CTNNA2: variants seen among roughly 807,000 people sequenced by gnomAD.
The protein encoded by CTNNA2 is catenin alpha 2, also known as catenin alpha-2.
A neutral mutation model predicts 101.0 loss-of-function variants in CTNNA2; 42 were observed. The ratio of observed to expected loss-of-function variants is 0.42; its 90% CI spans 0.32 to 0.54. The LOEUF (loss-of-function observed/expected upper bound fraction) is 0.54. Ranked by LOEUF, CTNNA2 falls within the 20% of genes least tolerant of loss-of-function variation. The probability of loss-of-function intolerance (pLI) is 0.14; values close to 1 mark genes in which losing one functional copy is unlikely to be tolerated. For missense variants in CTNNA2, 871 were observed against 1,223.1 expected, an observed-to-expected ratio of 0.71 and a Z score of 4.29; for synonymous variants, 450 against 456.4, an observed-to-expected ratio of 0.99 and a Z score of 0.18.
chr2:79,778,349 A>AT (rs994845997), intron 3 of CTNNA2, among the ~76,000 whole-genome samples: 1 of 152,110 alleles, frequency 6.6e-6, no homozygotes, highest in Non-Finnish European at 1.5e-5. Flanking sequence ...CATCAAAAAA[A>AT]AAAATAAAAA....
intron 1 of CTNNA2, among the ~76,000 whole-genome samples, chr2:79,622,092 A>T (rs1370385186): frequency 1.3e-5 from 2 of 152,216 alleles, no homozygotes; most frequent in South Asian, 4.1e-4. Context: ...AATCTGAATA[A>T]AAGTACATAC....
At chr2:79,485,032 T>C (rs1671144224) in intron 4 of CTNNA2, among the ~76,000 whole-genome samples, 1 of 152,130 alleles carries the variant, frequency 6.6e-6, no homozygotes, top group Non-Finnish European at 1.5e-5. Context: ...AGATATACCA[T>C]AGATAGCCAT....
intron 9 of CTNNA2, among the ~76,000 whole-genome samples, chr2:80,530,871 C>G (rs1690478184): frequency 6.6e-6 from 1 of 152,094 alleles, no homozygotes. Context: ...GCTTTGCACC[C>G]AAAGAAGCTT....
At chr2:80,414,162 A>G (rs1679837111) in intron 8 of CTNNA2, among the ~76,000 whole-genome samples, 1 of 152,208 alleles carries the variant, frequency 6.6e-6, no homozygotes, top group Non-Finnish European at 1.5e-5. Context: ...AAGGAGAAAC[A>G]GGATTGATTA....
chr2:79,466,274 C>T (rs1050643917), intron 4 of CTNNA2, among the ~76,000 whole-genome samples: 7 of 152,194 alleles, frequency 4.6e-5, no homozygotes, highest in African/African-American at 1.7e-4. Context: ...TGGAGACTCG[C>T]TCATTGCTAG....
intron 6 of CTNNA2, among the ~76,000 whole-genome samples, chr2:79,888,278 G>A (rs17018091): frequency 0.013 from 2,007 of 152,260 alleles, 138 homozygotes; most frequent in Admixed American, 0.098. Flanking sequence ...AGGCATCATC[G>A]TAGACAACAT....
intron 2 of CTNNA2, among the ~76,000 whole-genome samples, chr2:79,658,750 T>G (rs1245980344): frequency 6.6e-6 from 1 of 151,966 alleles, no homozygotes; most frequent in Non-Finnish European, 1.5e-5. Context: ...AAGAATATCA[T>G]TGATGTTTAA....
intron 9 of CTNNA2, among the ~76,000 whole-genome samples, chr2:80,421,817 A>C (rs1412271606): frequency 2.0e-5 from 3 of 151,868 alleles, no homozygotes; most frequent in Non-Finnish European, 4.4e-5. Context: ...AAAAAAAAAA[A>C]AAACCCAAAC....
intron 15 of CTNNA2, among the ~76,000 whole-genome samples, chr2:80,594,087 C>T (rs1451586481): frequency 1.3e-5 from 2 of 152,132 alleles, no homozygotes; most frequent in Non-Finnish European, 2.9e-5. Context: ...TACATTCCCA[C>T]CAGCAATACA....
At chr2:80,581,561 TACTC>T (rs962788310) in intron 13 of CTNNA2, 141 bp from the exon 14 acceptor site, 9 of 560,690 alleles carry the variant, frequency 1.6e-5, no homozygotes, top group Non-Finnish European at 2.6e-5. Flanking sequence ...TTCCGGCTAA[TACTC>T]ACCCACATAG....
intron 7 of CTNNA2, among the ~76,000 whole-genome samples, chr2:80,108,661 A>G (rs528932707): frequency 6.6e-6 from 1 of 152,300 alleles, no homozygotes; most frequent in African/African-American, 2.4e-5. Context: ...AGGCTGCACA[A>G]TCAATGTTGT....
intron 7 of CTNNA2, among the ~76,000 whole-genome samples, chr2:80,215,859 G>C (rs1177835465): frequency 6.6e-6 from 1 of 152,214 alleles, no homozygotes; most frequent in Non-Finnish European, 1.5e-5. Context: ...TGCCCCCAGA[G>C]GTGGAGTCTA....
At chr2:80,517,903 G>A (rs1027929386) in intron 9 of CTNNA2, among the ~76,000 whole-genome samples, 4 of 152,112 alleles carry the variant, frequency 2.6e-5, no homozygotes, top group Non-Finnish European at 5.9e-5. Context: ...GAAAACATTG[G>A]CTTGTCAGTA....
At chr2:80,440,383 C>T (rs1169788248) in intron 9 of CTNNA2, among the ~76,000 whole-genome samples, 2 of 152,068 alleles carry the variant, frequency 1.3e-5, no homozygotes, top group Non-Finnish European at 2.9e-5. Context: ...AATTGCAATA[C>T]CTTTTTAGGA....
At chr2:79,540,688 A>C (rs1673352557) in intron 1 of CTNNA2, among the ~76,000 whole-genome samples, 1 of 152,262 alleles carries the variant, frequency 6.6e-6, no homozygotes, top group African/African-American at 2.4e-5. Context: ...CACATGAAAT[A>C]TAAGTGAACC....
chr2:79,313,916 A>T (rs927262090), intron 3 of CTNNA2, among the ~76,000 whole-genome samples: 1 of 152,060 alleles, frequency 6.6e-6, no homozygotes, highest in Non-Finnish European at 1.5e-5. Flanking sequence ...GATGGGCAAG[A>T]CCCGGTGTGA....
At chr2:79,383,815 T>C (rs1319348698) in intron 4 of CTNNA2, among the ~76,000 whole-genome samples, 1 of 152,174 alleles carries the variant, frequency 6.6e-6, no homozygotes, top group Non-Finnish European at 1.5e-5. Context: ...TTTGCTGAAA[T>C]TGGGGGTCTG....
At chr2:80,100,244 AT>A (rs1700462704) in intron 7 of CTNNA2, among the ~76,000 whole-genome samples, 1 of 152,148 alleles carries the variant, frequency 6.6e-6, no homozygotes, top group Non-Finnish European at 1.5e-5. Flanking sequence ...ATGCATCTGA[AT>A]TTTAAACAGG....
chr2:79,903,794 G>A (rs888653906), intron 6 of CTNNA2, among the ~76,000 whole-genome samples: 6 of 152,204 alleles, frequency 3.9e-5, no homozygotes, highest in Non-Finnish European at 7.3e-5. Flanking sequence ...GCTGAAGCTG[G>A]TCATTGGAGG....
Sources: gnomAD v4.1 joint callset for allele counts (sites outside exome capture counted in the v4.1 genomes callset) on GRCh38, gnomAD v4.1.1 for gene constraint, MANE v1.5 for transcripts, NCBI Gene and HGNC (gene_info 2026-07-23, HGNC 2026-07-21) for gene names.